Variants in ZNF365 observed in about 807,000 individuals in gnomAD.
The protein encoded by ZNF365 is protein ZNF365.
In ZNF365, 22 loss-of-function variants were observed where a neutral mutation model predicts 35.0. The ratio of observed to expected loss-of-function variants is 0.63; its 90% CI spans 0.45 to 0.90. The LOEUF (loss-of-function observed/expected upper bound fraction) is 0.90. Ranked by LOEUF, ZNF365 falls within the 40% of genes least tolerant of loss-of-function variation. The pLI is 0.00. For missense variants in ZNF365, 448 were observed against 500.3 expected, an observed-to-expected ratio of 0.90 and a Z score of 1.00; for synonymous variants, 188 against 196.2, an observed-to-expected ratio of 0.96 and a Z score of 0.35.
chr10:62,406,636 A>C (rs148678871), downstream of ZNF365, among the ~76,000 whole-genome samples: 6 of 152,308 alleles, frequency 3.9e-5, no homozygotes, highest in Non-Finnish European at 8.8e-5. Flanking sequence ...GGGGAGGATC[A>C]AAGAGGAAGT....
chr10:62,460,443 TAATAATAA>T (rs1227885086), intron 4 of ZNF365, among the ~76,000 whole-genome samples: 1 of 152,188 alleles, frequency 6.6e-6, no homozygotes, highest in Non-Finnish European at 1.5e-5. Flanking sequence ...CAACAATGGC[TAATAATAA>T]AATAGAACAA....
intron 3 of ZNF365, among the ~76,000 whole-genome samples, chr10:62,441,850 C>G (rs1047437994): frequency 6.6e-6 from 1 of 152,092 alleles, no homozygotes; most frequent in African/African-American, 2.4e-5. Flanking sequence ...TGGATTATAG[C>G]AATTTAGTAA....
At chr10:62,471,854 A>G (rs1324103949) in intron 4 of ZNF365, among the ~76,000 whole-genome samples, 3 of 152,264 alleles carry the variant, frequency 2.0e-5, no homozygotes, top group Non-Finnish European at 4.4e-5. Context: ...GCAGCACTCT[A>G]TTCAGCAGGA....
rs1839811887 is a variant in ZNF365, at chr10:62,400,626, G to A, written c.*837G>A. On this transcript the variant is annotated 3_prime_UTR_variant, in exon 5 of 5. Transcript: ENST00000395254. ...TGGCTAGGTGGTTGGAATGACAGTG[G>A]ACTGCACGCTTGGTGCATCGTGCAT... The A allele has an allele frequency of 2.0e-6, 2 of 985,806 alleles. No individual in the cohort carries two copies. The highest frequency in any genetic ancestry group is 2.4e-6 in the Non-Finnish European group (2 of 829,966). 61.1% of individuals were successfully genotyped at this position (985,806 alleles called of 1,614,324 possible).
At chr10:62,459,670 G>A in intron 3 of ZNF365, 1 of 1,501,302 alleles carries the variant, frequency 6.7e-7, no homozygotes, top group African/African-American at 1.4e-5. Flanking sequence ...ACTGCTTGTA[G>A]TCTTGCTGTG....
intron 3 of ZNF365, among the ~76,000 whole-genome samples, chr10:62,440,927 C>CTT (rs1840490007): frequency 6.6e-6 from 1 of 152,114 alleles, no homozygotes; most frequent in Non-Finnish European, 1.5e-5. Context: ...AACCTAATGT[C>CTT]TTTATGTGAT....
intron 2 of ZNF365, among the ~76,000 whole-genome samples, chr10:62,383,959 C>T (rs1048560011): frequency 3.3e-5 from 5 of 151,978 alleles, no homozygotes; most frequent in African/African-American, 1.2e-4. Context: ...TGACAGATTT[C>T]CAGATCTGGA....
chr10:62,417,745 A>T (rs1840097769), intron 3 of ZNF365, among the ~76,000 whole-genome samples: 1 of 151,978 alleles, frequency 6.6e-6, no homozygotes, highest in Non-Finnish European at 1.5e-5. Context: ...AGTAGCATGG[A>T]ATACAGCCTG....
chr10:62,376,062 T>A (rs537557792), intron 1 of ZNF365, 119 bp from the exon 2 acceptor site: 2 of 1,097,840 alleles, frequency 1.8e-6, no homozygotes, highest in Admixed American at 4.6e-5. Context: ...CAACATAAAA[T>A]ATTATGTGCA....
intron 3 of ZNF365, among the ~76,000 whole-genome samples, chr10:62,397,772 T>C (rs1839755828): frequency 1.3e-5 from 2 of 152,224 alleles, no homozygotes. Context: ...AGAAACCTTT[T>C]ATGTCAGTGT....
At chr10:62,394,750 A>T (rs183388385) in intron 3 of ZNF365, among the ~76,000 whole-genome samples, 46 of 152,332 alleles carry the variant, frequency 3.0e-4, no homozygotes, top group Admixed American at 2.7e-3. Flanking sequence ...TTTCCATAGC[A>T]CAGAAGATTC....
intron 4 of ZNF365, 79 bp downstream of exon 4, chr10:62,398,856 G>C (rs758923768): frequency 1.6e-5 from 21 of 1,350,352 alleles, no homozygotes; most frequent in African/African-American, 4.4e-5. Flanking sequence ...ATATGAGATC[G>C]TATCTATTTT....
chr10:62,449,222 T>C (rs1422181981), intron 3 of ZNF365, among the ~76,000 whole-genome samples: 2 of 152,248 alleles, frequency 1.3e-5, no homozygotes, highest in African/African-American at 4.8e-5. Flanking sequence ...ATGGCCAATA[T>C]TGATTTCCTT....
At chr10:62,394,898 G>A (rs1468112019) in intron 3 of ZNF365, among the ~76,000 whole-genome samples, 1 of 138,622 alleles carries the variant, frequency 7.2e-6, no homozygotes, top group Non-Finnish European at 1.6e-5. Context: ...GAAGGGAGAT[G>A]AGGATCTACA....
At chr10:62,447,779 G>A (rs1395458518) in intron 3 of ZNF365, among the ~76,000 whole-genome samples, 1 of 152,140 alleles carries the variant, frequency 6.6e-6, no homozygotes, top group African/African-American at 2.4e-5. Flanking sequence ...TCCTGAACAA[G>A]AGCTATGTGA....
chr10:62,431,203 C>T (rs1193718702), intron 3 of ZNF365, among the ~76,000 whole-genome samples: 5 of 152,168 alleles, frequency 3.3e-5, no homozygotes, highest in Non-Finnish European at 7.4e-5. Flanking sequence ...AGTAAAGAAA[C>T]ACAGTGGCTT....
intron 4 of ZNF365, among the ~76,000 whole-genome samples, chr10:62,475,657 C>T (rs897839065): frequency 6.6e-6 from 1 of 152,118 alleles, no homozygotes; most frequent in African/African-American, 2.4e-5. Flanking sequence ...GCATAGAGCC[C>T]CATCTAGGAA....
At chr10:62,436,755 A>G (rs976380932) in intron 3 of ZNF365, among the ~76,000 whole-genome samples, 1 of 152,236 alleles carries the variant, frequency 6.6e-6, no homozygotes, top group African/African-American at 2.4e-5. Context: ...ATTGGGATCT[A>G]GTAAGATCTA....
At chr10:62,428,805 T>A (rs368975875) in intron 3 of ZNF365, among the ~76,000 whole-genome samples, 9 of 152,304 alleles carry the variant, frequency 5.9e-5, no homozygotes, top group East Asian at 5.8e-4. Context: ...CTTCCCTAGA[T>A]ATGTTCTTTT....
Sources: gnomAD v4.1 joint callset for allele counts (sites outside exome capture counted in the v4.1 genomes callset) on GRCh38, gnomAD v4.1.1 for gene constraint, MANE v1.5 for transcripts, NCBI Gene and HGNC (gene_info 2026-07-23, HGNC 2026-07-21) for gene names.